The following SLCO1B3 variants were observed in gnomAD, a reference collection of about 807,000 sequenced individuals.
SLCO1B3 encodes the protein solute carrier organic anion transporter family member 1B3.
A neutral mutation model predicts 71.8 loss-of-function variants in SLCO1B3; 72 were observed. The observed-to-expected ratio is 1.00, with a 90% CI of 0.83 to 1.22. The LOEUF is 1.22. Ranked by LOEUF, SLCO1B3 falls within the 50% of genes most tolerant of loss-of-function variation. The probability of loss-of-function intolerance (pLI) is 0.00; values close to 1 mark genes in which losing one functional copy is unlikely to be tolerated. For missense variants in SLCO1B3, 911 were observed against 819.7 expected (o/e 1.11, Z -1.36); for synonymous variants, 298 against 278.4 (o/e 1.07, Z -0.70).
At chr12:20,868,465 A>T (rs546185339) in intron 8 of SLCO1B3, among the ~76,000 whole-genome samples, 3 of 152,106 alleles carry the variant, frequency 2.0e-5, no homozygotes, top group Non-Finnish European at 4.4e-5. Context: ...TTTTATACCC[A>T]TTGACTGGGA....
chr12:20,912,076 T>G (rs1175676094), intron 15 of SLCO1B3, among the ~76,000 whole-genome samples: 2 of 152,028 alleles, frequency 1.3e-5, no homozygotes, highest in Admixed American at 1.3e-4. Flanking sequence ...TCCATAACAT[T>G]TGATGTTATA....
At chr12:20,887,295 A>G (rs949693902) in intron 13 of SLCO1B3, among the ~76,000 whole-genome samples, 2 of 152,070 alleles carry the variant, frequency 1.3e-5, no homozygotes, top group Non-Finnish European at 2.9e-5. Flanking sequence ...AAATCTCTAT[A>G]CTGTTTTCCA....
intron 3 of SLCO1B3, among the ~76,000 whole-genome samples, chr12:20,826,088 A>T (rs913577749): frequency 6.6e-6 from 1 of 152,194 alleles, no homozygotes; most frequent in Non-Finnish European, 1.5e-5. Context: ...AACTAATGTA[A>T]ACCGTACTTG....
At chr12:20,883,164 A>G (rs1865724809) in intron 12 of SLCO1B3, among the ~76,000 whole-genome samples, 1 of 152,180 alleles carries the variant, frequency 6.6e-6, no homozygotes. Context: ...TGGAAAGAAA[A>G]TGTAGGTGGA....
Position 20,876,837 on chromosome 12 carries a change from A to ATT in SLCO1B3, c.971-925_971-924dup, listed in dbSNP as rs568686579. The stretch of plus-strand genomic sequence containing the variant: ...TAATCAAATCCATAACAATTGATGA[A>ATT]TTTTTTTTTTTGAGACAGAGTCTCG... On this transcript the variant is annotated intron_variant, in intron 9 of 15. Coordinates refer to ENST00000381545, the MANE Select transcript of SLCO1B3 (RefSeq NM_019844.4). Among the ~76,000 whole-genome samples the ATT allele has an allele frequency of 1.4e-4, 21 of 148,912 alleles. No individual in the cohort carries two copies. The Admixed American group carries it at 1.4e-3, about 10-fold the overall frequency.
In SLCO1B3 at chr12:20,832,227, A is replaced by G. The variant is rs368591610; in HGVS notation, c.84+16405A>G. Among the ~76,000 whole-genome samples, 162 of 152,328 alleles carry G rather than the reference A, an allele frequency of 1.1e-3. 4 individuals carry two copies. The South Asian group carries it at 0.033, about 31-fold the overall frequency. On this transcript the variant is annotated intron_variant, in intron 3 of 15. Coordinates refer to ENST00000381545, the MANE Select transcript of SLCO1B3 (RefSeq NM_019844.4). ...TACGTGCATGTGCGCACACTAATAC[A>G]CGTTGTTACTGAGTTGCATATACAG...
At chr12:20,845,199 C>T in intron 3 of SLCO1B3, 1 of 354,464 alleles carries the variant, frequency 2.8e-6, no homozygotes, top group Admixed American at 2.8e-5. Flanking sequence ...ATGGGAGAAG[C>T]AGATCTACAC....
chr12:20,879,272 G>A (rs529879057), intron 10 of SLCO1B3, among the ~76,000 whole-genome samples, 164 bp from the exon 11 acceptor site: 7 of 142,722 alleles, frequency 4.9e-5, no homozygotes, highest in African/African-American at 1.5e-4. Context: ...GCAGTGGCGC[G>A]ATCTCGGCTC....
intron 5 of SLCO1B3, among the ~76,000 whole-genome samples, chr12:20,860,806 G>C (rs1865246501): frequency 1.3e-5 from 2 of 152,198 alleles, no homozygotes; most frequent in South Asian, 4.1e-4. Flanking sequence ...TTTGTTCATG[G>C]TGTATTGAAG....
chr12:20,889,372 T>G lies in SLCO1B3; in HGVS notation c.1682+5770T>G, dbSNP rs149562202. Reference sequence around the variant, plus strand: ...TTTTTAATTATTATTACTAATTCAATTTAATTGCTCATTATTGGTCTGTTA... The same window carrying G: ...TTTTTAATTATTATTACTAATTCAAGTTAATTGCTCATTATTGGTCTGTTA... On this transcript the variant is annotated intron_variant, in intron 13 of 15. Transcript: ENST00000381545. 7.9e-5 allele frequency among the ~76,000 whole-genome samples: 12 copies of G among 152,220 alleles called. No homozygotes were observed. In the East Asian group the frequency reaches 1.9e-3, roughly 24 times the overall value.
At chr12:20,837,708 T>A (rs928189504) in intron 3 of SLCO1B3, among the ~76,000 whole-genome samples, 1 of 152,124 alleles carries the variant, frequency 6.6e-6, no homozygotes, top group African/African-American at 2.4e-5. Flanking sequence ...ATAAATTGGA[T>A]AAGATATATT....
chr12:20,845,437 G>A (rs1469485145), intron 3 of SLCO1B3, among the ~76,000 whole-genome samples: 1 of 152,156 alleles, frequency 6.6e-6, no homozygotes, highest in East Asian at 1.9e-4. Context: ...AAGCTCACCT[G>A]TGACTACCGC....
intron 15 of SLCO1B3, among the ~76,000 whole-genome samples, chr12:20,909,312 C>A (rs1165962881): frequency 2.7e-5 from 4 of 148,352 alleles, no homozygotes; most frequent in African/African-American, 9.9e-5. Context: ...ACTACAGGCA[C>A]CCACCACCAC....
chr12:20,870,326 T>G (rs188005778), intron 8 of SLCO1B3, among the ~76,000 whole-genome samples: 19 of 152,282 alleles, frequency 1.2e-4, no homozygotes, highest in African/African-American at 3.8e-4. Context: ...GGGTAGAAGC[T>G]TTTTAGTTTG....
At chr12:20,889,069 G>A (rs1412509608) in intron 13 of SLCO1B3, among the ~76,000 whole-genome samples, 2 of 147,762 alleles carry the variant, frequency 1.4e-5, no homozygotes, top group Non-Finnish European at 3.0e-5. Context: ...ACCTTTTTAT[G>A]TGCTGCTGAA....
intron 8 of SLCO1B3, among the ~76,000 whole-genome samples, chr12:20,866,148 G>T (rs536297755): frequency 6.6e-6 from 1 of 152,096 alleles, no homozygotes; most frequent in African/African-American, 2.4e-5. Context: ...CACTAGTGAT[G>T]CTGGAAGTGC....
At chr12:20,901,502 TTTTC>T in intron 15 of SLCO1B3, 35 bp downstream of exon 15, 1 of 1,146,270 alleles carries the variant, frequency 8.7e-7, no homozygotes, top group Non-Finnish European at 1.3e-6. Flanking sequence ...TTAATAGATT[TTTTC>T]TTTGTCTATG....
Position 20,875,254 on chromosome 12 carries a change from T to G in SLCO1B3, c.747T>G (p.Pro249=), listed in dbSNP as rs1310525265. ...TCCTAGGCACTATCAGAATAACTCC[T>G]AAGGACTCTCGTTGGGTTGGAGCTT... is the stretch of plus-strand genomic sequence containing the variant. ...YVDLSTIRIT[P]KDSRWVGAWW... The change falls in exon 9 of 16, where the codon CCT becomes CCG. Residue 249 remains proline (P), a synonymous_variant. Coordinates refer to ENST00000381545, the MANE Select transcript of SLCO1B3 (RefSeq NM_019844.4). 2 of 1,613,170 alleles carry G rather than the reference T, an allele frequency of 1.2e-6. No individual in the cohort carries two copies. Among genetic ancestry groups the G allele is most frequent in the Non-Finnish European group, 1.7e-6 (2 of 1,179,672 alleles).
chr12:20,822,182 A>C (rs943014030), intron 3 of SLCO1B3, among the ~76,000 whole-genome samples: 7 of 152,202 alleles, frequency 4.6e-5, no homozygotes, highest in Non-Finnish European at 7.3e-5. Flanking sequence ...TCACGGCACC[A>C]AATTTCATGT....
Sources: gnomAD v4.1 joint callset for allele counts (sites outside exome capture counted in the v4.1 genomes callset) on GRCh38, gnomAD v4.1.1 for gene constraint, MANE v1.5 for transcripts, NCBI Gene and HGNC (gene_info 2026-07-23, HGNC 2026-07-21) for gene names.